The following SORCS1 variants were observed in gnomAD, a reference collection of about 807,000 sequenced individuals.
SORCS1 encodes sortilin related VPS10 domain containing receptor 1, also known as VPS10 domain-containing receptor SorCS1.
A neutral mutation model predicts 146.1 loss-of-function variants in SORCS1; 60 were observed. That is an observed-to-expected ratio of 0.41 (90% CI 0.33 to 0.51). SORCS1 has a LOEUF of 0.51. SORCS1 is among the 20% of genes least tolerant of loss of function. The pLI is 0.21. For missense variants in SORCS1, 1,352 were observed against 1,487.6 expected, an observed-to-expected ratio of 0.91 and a Z score of 1.50; for synonymous variants, 637 against 584.0, an observed-to-expected ratio of 1.09 and a Z score of -1.31.
intron 9 of SORCS1, among the ~76,000 whole-genome samples, chr10:106,694,554 C>T (rs1477991584): frequency 2.0e-5 from 3 of 152,188 alleles, no homozygotes; most frequent in Non-Finnish European, 2.9e-5. Flanking sequence ...GCCAATAGTA[C>T]ATTCAATATC....
intron 2 of SORCS1, among the ~76,000 whole-genome samples, chr10:106,891,610 C>T (rs577325089): frequency 3.3e-5 from 5 of 151,028 alleles, no homozygotes; most frequent in African/African-American, 1.2e-4. Flanking sequence ...AGTGATCCTC[C>T]CACTTTGGCC....
intron 1 of SORCS1, among the ~76,000 whole-genome samples, chr10:106,968,165 G>T (rs1015088395): frequency 6.6e-6 from 1 of 151,960 alleles, no homozygotes; most frequent in East Asian, 1.9e-4. Flanking sequence ...AGCCGAGATC[G>T]CGCCACTGCA....
chr10:107,169,273 C>A (rs1398538092), upstream of SORCS1, among the ~76,000 whole-genome samples: 2 of 152,136 alleles, frequency 1.3e-5, no homozygotes, highest in African/African-American at 4.8e-5. Context: ...TCTTGTCTTG[C>A]ATTTCAGATC....
In SORCS1 at chr10:106,577,361, T is replaced by C. The variant is rs2133179888; in HGVS notation, c.*59A>G. 1.9e-6 allele frequency: 3 copies of C among 1,612,824 alleles called. No individual in the cohort carries two copies. Among genetic ancestry groups the C allele is most frequent in the South Asian group, 2.2e-5 (2 of 90,900 alleles). ...TAGTGGTCATGAAGGATGATGTACT[T>C]GACAAGAGCGAAATTCTTTCCTGAT... On this transcript the variant is annotated 3_prime_UTR_variant, in exon 26 of 26. Coordinates refer to ENST00000263054, the MANE Select transcript of SORCS1 (RefSeq NM_052918.5).
intron 1 of SORCS1, among the ~76,000 whole-genome samples, chr10:107,119,980 T>C (rs551916705): frequency 1.3e-5 from 2 of 152,218 alleles, no homozygotes; most frequent in South Asian, 2.1e-4. Flanking sequence ...AAGCTTTCCA[T>C]GGTTTCTTCC....
intron 2 of SORCS1, among the ~76,000 whole-genome samples, chr10:106,877,066 C>T (rs1471694859): frequency 2.0e-5 from 3 of 152,176 alleles, no homozygotes; most frequent in African/African-American, 7.2e-5. Context: ...ATGAGAATCA[C>T]TGGTTATTTT....
rs1406541320 is a variant in SORCS1 at position 106,671,347 on chromosome 10, T to A, written c.2079A>T (p.Gly693=). The A allele has an allele frequency of 5.0e-6, 8 of 1,614,084 alleles. No individual in the cohort carries two copies. The highest frequency in any genetic ancestry group is 1.6e-4 in the Middle Eastern group (1 of 6,062). ...LHSQGEACIM[G]AKRIYKKRKS... is the part of the protein sequence containing the mutation. The stretch of plus-strand genomic sequence containing the variant: ...TTCGCTTCTTATATATCCTTTTTGC[T>A]CCCATGATACATGCTTCCCCCTGTA... The change falls in exon 16 of 26, where the codon GGA becomes GGT. Residue 693 remains glycine, a synonymous_variant. Coordinates refer to ENST00000263054, the MANE Select transcript of SORCS1 (RefSeq NM_052918.5).
At chr10:106,822,917 A>C (rs1258686908) in intron 3 of SORCS1, among the ~76,000 whole-genome samples, 2 of 150,238 alleles carry the variant, frequency 1.3e-5, no homozygotes, top group Admixed American at 1.3e-4. Context: ...AGTAGCTGGG[A>C]TTACAGGCAC....
intron 24 of SORCS1, among the ~76,000 whole-genome samples, chr10:106,594,854 C>A (rs959534551): frequency 1.3e-5 from 2 of 152,200 alleles, no homozygotes; most frequent in Non-Finnish European, 2.9e-5. Context: ...TCAAAGGGAA[C>A]AAGTAGTGGC....
chr10:107,045,697 A>G (rs1327701309), intron 1 of SORCS1, among the ~76,000 whole-genome samples: 1 of 152,084 alleles, frequency 6.6e-6, no homozygotes, highest in African/African-American at 2.4e-5. Flanking sequence ...AAAAATTTTA[A>G]GTTGAGAAAA....
intron 3 of SORCS1, among the ~76,000 whole-genome samples, chr10:106,779,514 G>T (rs544691772): frequency 3.1e-4 from 46 of 146,760 alleles, no homozygotes; most frequent in African/African-American, 9.5e-4. Flanking sequence ...TTTTATTCTG[G>T]TTTTTTCTTT....
At chr10:106,722,666 C>G (rs1255938259) in intron 6 of SORCS1, among the ~76,000 whole-genome samples, 4 of 152,084 alleles carry the variant, frequency 2.6e-5, no homozygotes, top group African/African-American at 7.2e-5. Context: ...GTCCCCTGTC[C>G]CCTGTTCCTG....
At chr10:106,725,910 G>A (rs1170030156) in intron 6 of SORCS1, among the ~76,000 whole-genome samples, 2 of 143,812 alleles carry the variant, frequency 1.4e-5, no homozygotes, top group Non-Finnish European at 3.0e-5. Flanking sequence ...CAGACTGGGT[G>A]ACAGAGTGAG....
intron 18 of SORCS1, among the ~76,000 whole-genome samples, chr10:106,634,346 T>C (rs1442480467): frequency 4.6e-5 from 7 of 152,228 alleles, no homozygotes; most frequent in Non-Finnish European, 1.0e-4. Context: ...CTATTGTGTG[T>C]TTGTCAAAAT....
intron 24 of SORCS1, among the ~76,000 whole-genome samples, chr10:106,584,945 T>TGGAA: frequency 6.6e-6 from 1 of 152,292 alleles, no homozygotes; most frequent in South Asian, 2.1e-4. Flanking sequence ...TGATGATTCC[T>TGGAA]GGCTACTATG....
At chr10:106,918,078 ACATC>A (rs1952530708) in intron 2 of SORCS1, among the ~76,000 whole-genome samples, 1 of 152,284 alleles carries the variant, frequency 6.6e-6, no homozygotes, top group Admixed American at 6.5e-5. Context: ...CCTGTCCAGG[ACATC>A]CTCCTGAGGG....
chr10:106,924,988 T>G (rs1342653236), intron 2 of SORCS1, among the ~76,000 whole-genome samples: 1 of 152,170 alleles, frequency 6.6e-6, no homozygotes, highest in Non-Finnish European at 1.5e-5. Flanking sequence ...AAGAAACACA[T>G]ACTTTCTAAA....
At chr10:107,172,910 T>G in the SORCS1 span, among the ~76,000 whole-genome samples, 1 of 152,334 alleles carries the variant, frequency 6.6e-6, no homozygotes, top group Middle Eastern at 3.4e-3. Flanking sequence ...CCGGTAACAT[T>G]GACAATGTTT....
chr10:106,849,080 C>T (rs1159046643), intron 2 of SORCS1, among the ~76,000 whole-genome samples: 6 of 145,840 alleles, frequency 4.1e-5, no homozygotes, highest in South Asian at 2.3e-4. Flanking sequence ...TTGCTCTTCT[C>T]GAGGAGTATC....
Sources: allele counts gnomAD v4.1 joint callset (sites outside exome capture counted in the v4.1 genomes callset), GRCh38; gene constraint gnomAD v4.1.1; transcripts MANE v1.5; gene names NCBI Gene and HGNC (gene_info 2026-07-23, HGNC 2026-07-21).